ESF1: variants seen among roughly 807,000 people sequenced by gnomAD.
ESF1 encodes ESF1 nucleolar pre-rRNA processing protein, also known as ESF1 homolog.
In ESF1, 58 loss-of-function variants were observed where a neutral mutation model predicts 92.0. The ratio of observed to expected loss-of-function variants is 0.63; its 90% CI spans 0.51 to 0.78. The LOEUF (loss-of-function observed/expected upper bound fraction) is 0.78, where lower values mean the gene tolerates loss of function less well. Among genes scored for constraint, ESF1 ranks in the 30% least tolerant of loss-of-function variants. ESF1 has a pLI of 0.00. For synonymous variants in ESF1, 321 were observed against 313.7 expected (o/e 1.02, Z -0.24); for missense variants, 922 against 989.1 (o/e 0.93, Z 0.91).
At chr20:13,766,754 G>T in intron 8 of ESF1, 23 bp downstream of exon 8, 2 of 1,609,908 alleles carry the variant, frequency 1.2e-6, no homozygotes, top group South Asian at 1.1e-5. Flanking sequence ...GTCCATTAAT[G>T]GTCACTGAAA....
chr20:13,776,218 A>T lies in ESF1; in HGVS notation c.690T>A (p.Asp230Glu). 1 of 1,613,666 alleles carries T rather than the reference A, an allele frequency of 6.2e-7. No homozygotes were observed. The highest frequency in any genetic ancestry group is 8.5e-7 in the Non-Finnish European group (1 of 1,179,872). Residue 230 changes from aspartate to glutamate, a missense_variant, in exon 3 of 14, where the codon GAT becomes GAA. Coordinates refer to ENST00000617257, the MANE Select transcript of ESF1 (RefSeq NM_001276380.2). ...GAGCATCTTTGTCACACATTTCACC[A>T]TCTGTTGAGTTTTCATAACCATCAC... is the stretch of plus-strand genomic sequence containing the variant. ...RDSDGYENST[D>E]GEMCDKDALE...
Position 13,772,010 on chromosome 20 carries a change from A to T in ESF1, c.1250+505T>A, listed in dbSNP as rs74826778. Among the ~76,000 whole-genome samples, 414 of 150,584 alleles carry T rather than the reference A, an allele frequency of 2.7e-3. 9 individuals carry two copies. The East Asian group carries it at 0.053, about 19-fold the overall frequency. Reference sequence around the variant, plus strand: ...CTCTCTCCTGTCACTAATCTATTTAACCCTCATTTTTATTAAGTGCAAATA... The same window carrying T: ...CTCTCTCCTGTCACTAATCTATTTATCCCTCATTTTTATTAAGTGCAAATA... On this transcript the variant is annotated intron_variant, in intron 5 of 13. Transcript: ENST00000617257.
intron 10 of ESF1, among the ~76,000 whole-genome samples, chr20:13,729,579 T>C (rs1410953333): frequency 6.6e-6 from 1 of 152,222 alleles, no homozygotes; most frequent in Non-Finnish European, 1.5e-5. Flanking sequence ...AGTGACTGAA[T>C]TACTTGAAGT....
chr20:13,784,565 G>A (rs1442024224), intron 1 of ESF1, among the ~76,000 whole-genome samples: 2 of 152,036 alleles, frequency 1.3e-5, no homozygotes, highest in African/African-American at 2.4e-5. Flanking sequence ...ACACGCGCCC[G>A]CATCCCCGTA....
rs527365723 is a variant in ESF1 at position 13,716,134 on chromosome 20, A to G, written c.2263-967T>C. Among the ~76,000 whole-genome samples, 5 of 152,274 alleles carry G rather than the reference A, an allele frequency of 3.3e-5. No individual in the cohort carries two copies. The South Asian group carries it at 8.3e-4, about 25-fold the overall frequency. On this transcript the variant is annotated intron_variant, in intron 13 of 13. Transcript: ENST00000617257. ...CTGTATGCTACCCTCCATTGTTTGA[A>G]CAAATTTAAAATTTCCCAAATTTCC...
chr20:13,759,602 C>T lies in ESF1; in HGVS notation c.1828+90G>A, dbSNP rs568676092. The T allele has an allele frequency of 8.9e-4, 1,330 of 1,497,976 alleles. 1 individual carries two copies. The highest frequency in any genetic ancestry group is 1.1e-3 in the Non-Finnish European group (1,282 of 1,135,868). The allele number at this position is 1,497,976 out of a possible 1,614,324, so 92.8% of individuals were successfully genotyped here. A position where few individuals can be genotyped will look rare whatever the true frequency, so the allele number is the denominator to read the frequency against. On this transcript the variant is annotated intron_variant, in intron 9 of 13. Coordinates refer to ENST00000617257, the MANE Select transcript of ESF1 (RefSeq NM_001276380.2). ...TATGCAAATATGATGTTAAGGTCCT[C>T]ACCAAAACATTTCCGGCTCCTTCAT...
intron 8 of ESF1, among the ~76,000 whole-genome samples, chr20:13,766,086 T>C (rs1407610616): frequency 6.6e-6 from 1 of 152,066 alleles, no homozygotes; most frequent in Non-Finnish European, 1.5e-5. Context: ...GAAGAAAATA[T>C]CCAGAATGCA....
At chr20:13,782,347 T>A (rs1980228119) in intron 2 of ESF1, among the ~76,000 whole-genome samples, 157 bp downstream of exon 2, 1 of 152,244 alleles carries the variant, frequency 6.6e-6, no homozygotes, top group South Asian at 2.1e-4. Context: ...AAATTAATAA[T>A]CACTGCATAT....
intron 10 of ESF1, among the ~76,000 whole-genome samples, chr20:13,731,501 C>A (rs1732327837): frequency 6.9e-6 from 1 of 145,614 alleles, no homozygotes; most frequent in East Asian, 2.0e-4. Flanking sequence ...CACTGGACTC[C>A]AGCCTGGGCG....
chr20:13,757,135 C>T (rs781334386), intron 9 of ESF1, among the ~76,000 whole-genome samples: 8 of 152,222 alleles, frequency 5.3e-5, no homozygotes, highest in Non-Finnish European at 1.2e-4. Context: ...TTTCATTTTA[C>T]ATTTTCACTT....
chr20:13,728,898 T>C (rs2049922260), intron 10 of ESF1, among the ~76,000 whole-genome samples: 1 of 151,218 alleles, frequency 6.6e-6, no homozygotes, highest in African/African-American at 2.4e-5. Context: ...AAAAAAAAAG[T>C]AAACCAGTTT....
At chr20:13,737,270 T>C (rs781619980) in intron 9 of ESF1, among the ~76,000 whole-genome samples, 8 of 152,184 alleles carry the variant, frequency 5.3e-5, no homozygotes, top group Non-Finnish European at 1.0e-4. Context: ...ACCACAAACA[T>C]AGATGACTCA....
chr20:13,760,803 G>T (rs1052464186), intron 8 of ESF1, among the ~76,000 whole-genome samples: 16 of 151,778 alleles, frequency 1.1e-4, no homozygotes, highest in Non-Finnish European at 1.9e-4. Context: ...TGGGAGGTGA[G>T]GGGTGCCTCT....
intron 9 of ESF1, among the ~76,000 whole-genome samples, chr20:13,749,493 C>T (rs2147750923): frequency 6.6e-6 from 1 of 152,238 alleles, no homozygotes; most frequent in East Asian, 1.9e-4. Context: ...TTTTCAAGGT[C>T]ATGCTAAATA....
chr20:13,748,592 A>ATTTTTTTTTTT (rs58809594), intron 9 of ESF1, among the ~76,000 whole-genome samples: 5 of 95,740 alleles, frequency 5.2e-5, no homozygotes, highest in East Asian at 3.8e-4. Context: ...ATATATATAT[A>ATTTTTTTTTTT]TTTTTTTTTT....
At chr20:13,741,724 A>T (rs1383705119) in intron 9 of ESF1, among the ~76,000 whole-genome samples, 3 of 152,258 alleles carry the variant, frequency 2.0e-5, no homozygotes, top group African/African-American at 7.2e-5. Flanking sequence ...GACAAAAAAG[A>T]GTTTCTTAGA....
intron 7 of ESF1, 130 bp from the exon 8 acceptor site, chr20:13,767,054 C>T: frequency 3.8e-6 from 3 of 787,972 alleles, no homozygotes; most frequent in Non-Finnish European, 6.0e-6. Flanking sequence ...AAAACAAATA[C>T]ATGAATGATA....
chr20:13,766,208 A>G (rs1313759366), intron 8 of ESF1, among the ~76,000 whole-genome samples: 1 of 152,202 alleles, frequency 6.6e-6, no homozygotes, highest in African/African-American at 2.4e-5. Flanking sequence ...AACATCTGAA[A>G]ACATAATGGC....
At chr20:13,775,844 C>A (rs772350788) in intron 3 of ESF1, 29 bp downstream of exon 3, 15 of 1,558,308 alleles carry the variant, frequency 9.6e-6, no homozygotes, top group Non-Finnish European at 1.3e-5. Context: ...GTGTTTTTCA[C>A]AAATAATCTT....
Sources: allele counts gnomAD v4.1 joint callset (sites outside exome capture counted in the v4.1 genomes callset), GRCh38; gene constraint gnomAD v4.1.1; transcripts MANE v1.5; gene names NCBI Gene and HGNC (gene_info 2026-07-23, HGNC 2026-07-21).